GPI: variants seen among roughly 807,000 people sequenced by gnomAD.
The protein encoded by GPI is D-hexose-6-phosphate anomerase.
GPI carries 56 observed loss-of-function variants against 75.8 expected under a neutral mutation model. That is an observed-to-expected ratio of 0.74 (90% confidence interval 0.60 to 0.92). GPI has a LOEUF of 0.92. GPI is among the 40% of genes least tolerant of loss of function. The pLI is 0.00. For missense variants in GPI, 638 were observed against 741.0 expected, an observed-to-expected ratio of 0.86 and a Z score of 1.61; for synonymous variants, 288 against 285.4, an observed-to-expected ratio of 1.01 and a Z score of -0.09.
At chr19:34,379,116 G>A in intron 7 of GPI, 111 bp downstream of exon 7, 2 of 969,936 alleles carry the variant, frequency 2.1e-6, no homozygotes, top group East Asian at 2.4e-5. Flanking sequence ...GGAAGTGAAG[G>A]CGGCCTTGCC....
At chr19:34,364,280 A>G (rs1037095951), upstream of GPI, among the ~76,000 whole-genome samples, 7 of 151,934 alleles carry the variant, frequency 4.6e-5, no homozygotes, top group Non-Finnish European at 1.0e-4. Flanking sequence ...CCCACCTCCC[A>G]AAGTGCTGGG....
chr19:34,396,430 G>A lies in GPI; in HGVS notation c.1192G>A (p.Gly398Ser). The change falls in exon 13 of 18, where the codon GGC becomes AGC. Residue 398 changes from glycine to serine, a missense_variant and splice_region_variant. Transcript: ENST00000356487. ...TGCTTTTTACCAGCTCATCCACCAA[G>A]GTAGGCCCCTGTGGCCTGGGAAGGG... ...QHAFYQLIHQ[G>S]TKMIPCDFLI... The A allele has an allele frequency of 6.2e-7, 1 of 1,614,176 alleles. No homozygotes were observed. The highest frequency in any genetic ancestry group is 8.5e-7 in the Non-Finnish European group (1 of 1,180,002).
At chr19:34,365,427 G>T (rs757261298) in intron 1 of GPI, 39 bp downstream of exon 1, 2 of 1,531,476 alleles carry the variant, frequency 1.3e-6, no homozygotes, top group Non-Finnish European at 8.7e-7. Context: ...CACGCGCGGC[G>T]CCCGGAACCG....
chr19:34,378,954 C>T lies in GPI; in HGVS notation c.654C>T (p.Thr218=). The change falls in exon 7 of 18, where the codon ACC becomes ACT. Residue 218 remains threonine, a synonymous_variant. Transcript: ENST00000356487. ...IASKTFTTQE[T]ITNAETAKEW... ...TGCAGACCTTTACTACCCAGGAGACCATCACGAATGCAGAGACGGCGAAGG... is the reference window on the plus strand; with the variant it reads ...TGCAGACCTTTACTACCCAGGAGACTATCACGAATGCAGAGACGGCGAAGG... 6.2e-7 allele frequency: 1 copy of T among 1,614,168 alleles called. No homozygotes were observed. The highest frequency in any genetic ancestry group is 8.5e-7 in the Non-Finnish European group (1 of 1,179,990).
chr19:34,379,143 A>G (rs2074600694), intron 7 of GPI, 138 bp downstream of exon 7: 8 of 772,214 alleles, frequency 1.0e-5, no homozygotes, highest in Admixed American at 7.7e-5. Context: ...TGCCTTTGCT[A>G]GATGAGATGA....
intron 6 of GPI, among the ~76,000 whole-genome samples, chr19:34,378,309 C>A (rs2145363457): frequency 6.6e-6 from 1 of 152,314 alleles, no homozygotes; most frequent in Non-Finnish European, 1.5e-5. Context: ...ATTCTCCTGC[C>A]TCAGCCTCCC....
At chr19:34,379,972 C>T (rs2074617541) in intron 8 of GPI, 4 of 192,022 alleles carry the variant, frequency 2.1e-5, no homozygotes, top group Non-Finnish European at 4.0e-5. Flanking sequence ...TTGCCCCCTA[C>T]TTAGTGTGTG....
At chr19:34,371,413 C>A (rs926313826) in intron 4 of GPI, among the ~76,000 whole-genome samples, 1 of 152,038 alleles carries the variant, frequency 6.6e-6, no homozygotes, top group Non-Finnish European at 1.5e-5. Context: ...TCCTGGGCAC[C>A]AATAGGGATT....
At chr19:34,390,882 G>C (rs112386623) in intron 9 of GPI, among the ~76,000 whole-genome samples, 7 of 111,186 alleles carry the variant, frequency 6.3e-5, no homozygotes, top group Non-Finnish European at 1.4e-4. Context: ...GGGTCTTCCC[G>C]TGTCTGAGGA....
At chr19:34,364,637 C>T, upstream of GPI, 1 of 262,440 alleles carries the variant, frequency 3.8e-6, no homozygotes, top group Non-Finnish European at 7.2e-6. Flanking sequence ...CTCGGCCTCC[C>T]AAAGTGATGA....
intron 9 of GPI, among the ~76,000 whole-genome samples, chr19:34,383,413 T>C (rs572747990): frequency 3.5e-4 from 54 of 152,178 alleles, no homozygotes; most frequent in African/African-American, 1.2e-3. Context: ...TGGGAGGTGG[T>C]GTAGACCTAT....
intron 2 of GPI, 32 bp from the exon 3 acceptor site, chr19:34,366,751 T>G (rs2074371884): frequency 1.3e-6 from 2 of 1,545,682 alleles, no homozygotes; most frequent in African/African-American, 2.7e-5. Flanking sequence ...CCAGTGTGGG[T>G]GGGACCAGGC....
At chr19:34,390,306 T>A (rs574506370) in intron 9 of GPI, among the ~76,000 whole-genome samples, 1 of 152,122 alleles carries the variant, frequency 6.6e-6, no homozygotes, top group African/African-American at 2.4e-5. Flanking sequence ...GGGTTTTTAA[T>A]ATCTGAGGAG....
chr19:34,381,061 G>C (rs1472423234), intron 8 of GPI: 7 of 336,464 alleles, frequency 2.1e-5, no homozygotes, highest in Admixed American at 2.0e-4. Context: ...TGCCTGGCCT[G>C]GTAGGTGGCC....
At chr19:34,371,240 C>G (rs941027793) in intron 4 of GPI, among the ~76,000 whole-genome samples, 6 of 152,192 alleles carry the variant, frequency 3.9e-5, no homozygotes, top group South Asian at 2.1e-4. Context: ...GCAGTAATCC[C>G]CTGGTGAGGA....
intron 9 of GPI, among the ~76,000 whole-genome samples, chr19:34,383,535 TCAG>T (rs925272807): frequency 2.0e-5 from 3 of 152,146 alleles, no homozygotes; most frequent in Non-Finnish European, 4.4e-5. Context: ...GACACACAGG[TCAG>T]CACCTGCTTC....
At chr19:34,384,384 A>G (rs1215535115) in intron 9 of GPI, among the ~76,000 whole-genome samples, 2 of 152,214 alleles carry the variant, frequency 1.3e-5, no homozygotes, top group Admixed American at 1.3e-4. Flanking sequence ...TCACAGGTTA[A>G]GGTCTGAGCC....
intron 9 of GPI, among the ~76,000 whole-genome samples, chr19:34,388,675 C>T (rs902634694): frequency 6.6e-6 from 1 of 152,098 alleles, no homozygotes; most frequent in East Asian, 1.9e-4. Context: ...TTCGGAGGCT[C>T]AGGTCAGACA....
intron 4 of GPI, among the ~76,000 whole-genome samples, chr19:34,373,557 CAAAAAAAAAA>C (rs538891535): frequency 2.4e-4 from 15 of 63,208 alleles, no homozygotes; most frequent in Non-Finnish European, 4.9e-4. Flanking sequence ...ATTCCATCTC[CAAAAAAAAAA>C]AAAAAAAAAT....
Sources: allele counts gnomAD v4.1 joint callset (sites outside exome capture counted in the v4.1 genomes callset), GRCh38; gene constraint gnomAD v4.1.1; transcripts MANE v1.5; gene names NCBI Gene and HGNC (gene_info 2026-07-23, HGNC 2026-07-21).